Variants in ERP44 observed in about 807,000 individuals in gnomAD.
ERP44 encodes endoplasmic reticulum protein 44.
Under a neutral mutation model 53.4 loss-of-function variants are expected in ERP44, and 25 were observed. The observed-to-expected ratio is 0.47, with a 90% confidence interval of 0.34 to 0.65. The LOEUF (loss-of-function observed/expected upper bound fraction) is 0.65. Among genes scored for constraint, ERP44 ranks in the 30% least tolerant of loss-of-function variants. The pLI is 0.01. For missense variants in ERP44, 338 were observed against 493.2 expected (o/e 0.69, Z 2.98); for synonymous variants, 145 against 161.2 (o/e 0.90, Z 0.76).
chr9:100,073,394 C>T (rs1826325397), intron 1 of ERP44, among the ~76,000 whole-genome samples: 1 of 152,176 alleles, frequency 6.6e-6, no homozygotes, highest in African/African-American at 2.4e-5. Flanking sequence ...TGACCTTCTG[C>T]AGTCTATGAG....
chr9:100,097,800 C>A (rs1826662094), intron 1 of ERP44, among the ~76,000 whole-genome samples: 1 of 152,312 alleles, frequency 6.6e-6, no homozygotes, highest in East Asian at 1.9e-4. Flanking sequence ...TGTTTCTAAT[C>A]CCAGCTCTGC....
At chr9:100,093,982 C>G (rs1826594306) in intron 1 of ERP44, among the ~76,000 whole-genome samples, 1 of 152,152 alleles carries the variant, frequency 6.6e-6, no homozygotes, top group Non-Finnish European at 1.5e-5. Context: ...TACAGCAATA[C>G]CTACAAAGCT....
intron 10 of ERP44, among the ~76,000 whole-genome samples, chr9:100,005,756 T>A (rs1830419234): frequency 6.6e-6 from 1 of 152,220 alleles, no homozygotes; most frequent in Admixed American, 6.5e-5. Flanking sequence ...CATTCTGCCA[T>A]AGGACTACAA....
At chr9:99,991,636 C>T (rs1227353871) in intron 10 of ERP44, among the ~76,000 whole-genome samples, 2 of 152,052 alleles carry the variant, frequency 1.3e-5, no homozygotes, top group Admixed American at 1.3e-4. Flanking sequence ...AATTCAAAAG[C>T]TAGCAGAAGG....
Position 99,997,555 on chromosome 9 carries a change from C to T in ERP44, c.1016+8951G>A, listed in dbSNP as rs1386014176. Among the ~76,000 whole-genome samples, 7 of 152,218 alleles carry T rather than the reference C, an allele frequency of 4.6e-5. No homozygotes were observed. The South Asian group carries it at 8.3e-4, about 18-fold the overall frequency. On this transcript the variant is annotated intron_variant, in intron 10 of 11. Coordinates refer to ENST00000262455, the MANE Select transcript of ERP44 (RefSeq NM_015051.3). ...TTATTTACAAATAAAGTGTCTAAAA[C>T]GCAAAGGCAGGCTCTATATGCTTTA...
intron 8 of ERP44, among the ~76,000 whole-genome samples, chr9:100,008,904 G>C (rs566841588): frequency 4.5e-4 from 68 of 152,122 alleles, no homozygotes; most frequent in Admixed American, 7.2e-4. Flanking sequence ...ACCATGCCCA[G>C]CTCATTTTTG....
chr9:100,065,604 T>A (rs184348009), intron 1 of ERP44, among the ~76,000 whole-genome samples: 1 of 152,302 alleles, frequency 6.6e-6, no homozygotes, highest in East Asian at 1.9e-4. Flanking sequence ...ACAATTTTTG[T>A]CAATTATACC....
intron 1 of ERP44, among the ~76,000 whole-genome samples, chr9:100,092,599 A>G (rs189012263): frequency 4.2e-4 from 64 of 152,376 alleles, no homozygotes; most frequent in African/African-American, 1.4e-3. Context: ...AGGCAAAAGA[A>G]TAATACCTTC....
At chr9:100,054,184 C>T (rs551541724) in intron 3 of ERP44, among the ~76,000 whole-genome samples, 65 of 152,234 alleles carry the variant, frequency 4.3e-4, no homozygotes, top group African/African-American at 1.4e-3. Flanking sequence ...ACATCATGGA[C>T]CGTGTCTTAT....
intron 3 of ERP44, among the ~76,000 whole-genome samples, chr9:100,056,173 T>G (rs1009832524): frequency 1.3e-5 from 2 of 152,182 alleles, no homozygotes; most frequent in African/African-American, 4.8e-5. Flanking sequence ...TTGGGTAACC[T>G]TGGGAAAGTA....
At position 100,006,524 on chromosome 9, in the gene ERP44, C is replaced by T. The variant is rs1196824610; in HGVS notation, c.998G>A (p.Gly333Glu). The T allele has an allele frequency of 6.2e-7, 1 of 1,606,630 alleles. No homozygotes were observed. Among genetic ancestry groups the T allele is most frequent in the African/African-American group, 1.3e-5 (1 of 74,512 alleles). The stretch of plus-strand genomic sequence containing the variant: ...TACTCACAATACATCTTTGAAGTCT[C>T]CAAACACATACATATGCCTAAAGCT... ...IDSFRHMYVFGDFKDVLIPGK... is the reference protein window; with the variant it reads ...IDSFRHMYVFEDFKDVLIPGK... The change falls in exon 10 of 12, where the codon GGA (glycine) becomes GAA (glutamate). Residue 333 changes from glycine to glutamate, a missense_variant. By Grantham distance (98) the Gly-to-Glu change is moderately conservative. Transcript: ENST00000262455.
At chr9:100,032,224 T>A (rs1222094510) in intron 4 of ERP44, among the ~76,000 whole-genome samples, 1 of 152,118 alleles carries the variant, frequency 6.6e-6, no homozygotes, top group African/African-American at 2.4e-5. Flanking sequence ...ACTGCACACT[T>A]CCCTGGCCCT....
At chr9:99,985,164 A>G in intron 10 of ERP44, 95 bp from the exon 11 acceptor site, 1 of 741,776 alleles carries the variant, frequency 1.3e-6, no homozygotes, top group Non-Finnish European at 2.3e-6. Flanking sequence ...GCTAACCTAT[A>G]GTCCCACCAT....
chr9:99,982,892 T>C (rs1830162447), intron 11 of ERP44, among the ~76,000 whole-genome samples, 179 bp from the exon 12 acceptor site: 1 of 152,242 alleles, frequency 6.6e-6, no homozygotes, highest in African/African-American at 2.4e-5. Flanking sequence ...TCATTTCAAA[T>C]GCTCTTATTG....
At chr9:99,996,895 G>GTGTATATATATACATATATATATATA (rs1391516642) in intron 10 of ERP44, among the ~76,000 whole-genome samples, 1 of 19,262 alleles carries the variant, frequency 5.2e-5, no homozygotes, top group Non-Finnish European at 7.6e-5. Flanking sequence ...CATCGTGTAT[G>GTGTATATATATACATATATATATATA]TGTATATATA....
At chr9:100,057,670 A>G (rs964498815) in intron 3 of ERP44, 150 bp downstream of exon 3, 2 of 638,932 alleles carry the variant, frequency 3.1e-6, no homozygotes, top group South Asian at 1.8e-5. Context: ...ACCAAATTAA[A>G]CTACTTCCCT....
Position 99,980,661 on chromosome 9 carries a change from A to C in ERP44, c.*1951T>G, listed in dbSNP as rs1564081889. 6.6e-6 allele frequency: 1 copy of C among 152,232 alleles called. No homozygotes were observed. Among genetic ancestry groups the C allele is most frequent in the Non-Finnish European group, 1.5e-5 (1 of 68,042 alleles). The allele number at this position is 152,232 out of a possible 1,614,324, so 9.4% of individuals were successfully genotyped here. On this transcript the variant is annotated 3_prime_UTR_variant, in exon 12 of 12. Coordinates refer to ENST00000262455, the MANE Select transcript of ERP44 (RefSeq NM_015051.3). The stretch of plus-strand genomic sequence containing the variant: ...GCCTGATGGTGACTACTAAGTGTCC[A>C]GAAATTCTAGGCACTAGTGATACAG...
chr9:99,989,182 G>A (rs1052211105), intron 10 of ERP44, among the ~76,000 whole-genome samples: 28 of 152,232 alleles, frequency 1.8e-4, no homozygotes, highest in Admixed American at 7.8e-4. Flanking sequence ...GAAGAGAGCA[G>A]TGGTTCTCCC....
chr9:100,060,294 T>C (rs1166538467), intron 1 of ERP44, 122 bp from the exon 2 acceptor site: 1 of 1,080,164 alleles, frequency 9.3e-7, no homozygotes, highest in African/African-American at 1.6e-5. Context: ...ATCAATTGAA[T>C]TGAATCTTTA....
Sources: allele counts gnomAD v4.1 joint callset (sites outside exome capture counted in the v4.1 genomes callset), GRCh38; gene constraint gnomAD v4.1.1; transcripts MANE v1.5; gene names NCBI Gene and HGNC (gene_info 2026-07-23, HGNC 2026-07-21).